Variants in KIAA1328 observed in about 807,000 individuals in gnomAD.
The protein encoded by KIAA1328 is protein hinderin.
In KIAA1328, 52 loss-of-function variants were observed where a neutral mutation model predicts 68.1. That is an observed-to-expected ratio of 0.76 (90% CI 0.61 to 0.96). KIAA1328 has a LOEUF of 0.96. Among genes scored for constraint, KIAA1328 ranks in the 40% least tolerant of loss-of-function variants. The pLI is 0.00. For missense variants in KIAA1328, 641 were observed against 677.6 expected, an observed-to-expected ratio of 0.95 and a Z score of 0.60; for synonymous variants, 232 against 239.4, an observed-to-expected ratio of 0.97 and a Z score of 0.28.
intron 6 of KIAA1328, among the ~76,000 whole-genome samples, chr18:37,038,974 G>A (rs1031272510): frequency 7.2e-5 from 11 of 152,006 alleles, no homozygotes; most frequent in African/African-American, 2.7e-4. Context: ...ATGATCTTTT[G>A]GTTTTGGGGT....
At chr18:36,855,741 A>G (rs1242114754) in intron 4 of KIAA1328, among the ~76,000 whole-genome samples, 1 of 151,554 alleles carries the variant, frequency 6.6e-6, no homozygotes, top group Non-Finnish European at 1.5e-5. Context: ...AAGGTCATGA[A>G]GATTTACATC....
At chr18:36,879,940 A>T (rs2048273735) in intron 4 of KIAA1328, among the ~76,000 whole-genome samples, 1 of 152,132 alleles carries the variant, frequency 6.6e-6, no homozygotes. Flanking sequence ...GAGAATTTCA[A>T]GCCGGTGGAT....
intron 7 of KIAA1328, among the ~76,000 whole-genome samples, chr18:37,073,238 T>C (rs755151372): frequency 6.6e-6 from 1 of 152,086 alleles, no homozygotes; most frequent in Non-Finnish European, 1.5e-5. Context: ...ACCCACACAA[T>C]GGGAGAAAAT....
At chr18:37,062,335 G>A (rs1046529179) in intron 6 of KIAA1328, among the ~76,000 whole-genome samples, 5 of 151,998 alleles carry the variant, frequency 3.3e-5, no homozygotes, top group Admixed American at 3.3e-4. Context: ...ATATGAGTGG[G>A]TTTTTTTCTT....
intron 1 of KIAA1328, chr18:36,829,425 C>G: frequency 1.5e-6 from 2 of 1,329,010 alleles, no homozygotes; most frequent in Non-Finnish European, 1.9e-6. Flanking sequence ...AGATGCTTCC[C>G]AGCGCTCACT....
intron 5 of KIAA1328, among the ~76,000 whole-genome samples, chr18:36,899,722 C>T (rs560867127): frequency 6.6e-6 from 1 of 151,968 alleles, no homozygotes; most frequent in East Asian, 1.9e-4. Context: ...AGTTAAATTA[C>T]ATATGTTAAA....
intron 5 of KIAA1328, among the ~76,000 whole-genome samples, chr18:36,909,799 G>C (rs2049363198): frequency 6.6e-6 from 1 of 152,164 alleles, no homozygotes; most frequent in South Asian, 2.1e-4. Flanking sequence ...AGCACCTGTT[G>C]TTTCCTGACT....
intron 5 of KIAA1328, among the ~76,000 whole-genome samples, chr18:36,930,003 G>T (rs535270147): frequency 2.1e-3 from 317 of 152,178 alleles, no homozygotes; most frequent in Non-Finnish European, 4.0e-3. Flanking sequence ...GCAGAGTTTT[G>T]TACACATGTA....
intron 6 of KIAA1328, among the ~76,000 whole-genome samples, chr18:36,985,712 C>T (rs926266484): frequency 6.6e-6 from 1 of 152,050 alleles, no homozygotes; most frequent in Admixed American, 6.5e-5. Context: ...CAAATTAACT[C>T]ATAAGGGATC....
intron 7 of KIAA1328, among the ~76,000 whole-genome samples, chr18:37,073,803 C>T (rs1438966538): frequency 1.3e-5 from 2 of 152,174 alleles, no homozygotes; most frequent in African/African-American, 4.8e-5. Context: ...CTTTTTGCAG[C>T]ATTTTTATGA....
At chr18:37,072,241 C>T (rs2056561402) in intron 7 of KIAA1328, among the ~76,000 whole-genome samples, 1 of 150,342 alleles carries the variant, frequency 6.7e-6, no homozygotes, top group African/African-American at 2.4e-5. Flanking sequence ...CTTATTTTCA[C>T]ATCACTTCTA....
In KIAA1328 at chr18:37,223,667, T is replaced by C. The variant is rs969449589; in HGVS notation, c.*1440T>C. 1.6e-5 allele frequency: 16 copies of C among 985,160 alleles called. No individual in the cohort carries two copies. Among genetic ancestry groups the C allele is most frequent in the Non-Finnish European group, 1.9e-5 (16 of 829,894 alleles). The allele number at this position is 985,160 out of a possible 1,614,324, so 61.0% of individuals were successfully genotyped here. A position where few individuals can be genotyped will look rare whatever the true frequency, so the allele number is the denominator to read the frequency against. On this transcript the variant is annotated 3_prime_UTR_variant, in exon 10 of 10. Transcript: ENST00000280020. ...CCCAGGGCAGCCTGCATGCAGCGAG[T>C]CTGCGTGGCTTCCCTGAATTACTCT... is the stretch of plus-strand genomic sequence containing the variant.
At chr18:37,110,919 T>C (rs2057912786) in intron 7 of KIAA1328, among the ~76,000 whole-genome samples, 1 of 152,208 alleles carries the variant, frequency 6.6e-6, no homozygotes, top group South Asian at 2.1e-4. Flanking sequence ...TATTTGTTTT[T>C]CACATTGCTC....
chr18:37,034,798 G>T (rs1299042323), intron 6 of KIAA1328, among the ~76,000 whole-genome samples: 1 of 152,126 alleles, frequency 6.6e-6, no homozygotes, highest in East Asian at 1.9e-4. Flanking sequence ...AGCAAATTCA[G>T]ATGAACTAGG....
At chr18:36,899,662 GC>G (rs1297738792) in intron 5 of KIAA1328, among the ~76,000 whole-genome samples, 1 of 151,936 alleles carries the variant, frequency 6.6e-6, no homozygotes, top group African/African-American at 2.4e-5. Flanking sequence ...TTTAAAAGAT[GC>G]TGAAATGTTT....
chr18:37,066,209 A>G (rs927334776), intron 6 of KIAA1328, among the ~76,000 whole-genome samples: 1 of 152,238 alleles, frequency 6.6e-6, no homozygotes, highest in Non-Finnish European at 1.5e-5. Flanking sequence ...CTCTATTGAC[A>G]TGTCAGAGAT....
Position 37,223,195 on chromosome 18 carries a change from A to C in KIAA1328, c.*968A>C. On this transcript the variant is annotated 3_prime_UTR_variant, in exon 10 of 10. Transcript: ENST00000280020. The stretch of plus-strand genomic sequence containing the variant: ...CTCCCTTTTCCTCCACGAGGATTAA[A>C]GGATACAAGCTGACCAGGCCTCACA... 1.0e-6 allele frequency: 1 copy of C among 985,256 alleles called. No individual in the cohort carries two copies. Among genetic ancestry groups the C allele is most frequent in the Non-Finnish European group, 1.2e-6 (1 of 829,958 alleles). The allele number at this position is 985,256 out of a possible 1,614,324, so 61.0% of individuals were successfully genotyped here.
At chr18:37,112,822 A>C (rs1169686002) in intron 7 of KIAA1328, among the ~76,000 whole-genome samples, 1 of 152,208 alleles carries the variant, frequency 6.6e-6, no homozygotes, top group Non-Finnish European at 1.5e-5. Flanking sequence ...AAGTGACCTG[A>C]TGGAGCTGAA....
intron 7 of KIAA1328, among the ~76,000 whole-genome samples, chr18:37,153,649 T>C (rs1012394302): frequency 1.0e-4 from 15 of 145,990 alleles, no homozygotes; most frequent in South Asian, 2.2e-4. Flanking sequence ...TTTTTTTTTT[T>C]CCCAATACAA....
Sources: gnomAD v4.1 joint callset for allele counts (sites outside exome capture counted in the v4.1 genomes callset) on GRCh38, gnomAD v4.1.1 for gene constraint, MANE v1.5 for transcripts, NCBI Gene and HGNC (gene_info 2026-07-23, HGNC 2026-07-21) for gene names.